Variants in DLG2 observed in about 807,000 individuals in gnomAD.
DLG2 encodes the protein disks large homolog 2.
DLG2 carries 45 observed loss-of-function variants against 132.5 expected under a neutral mutation model. That is an observed-to-expected ratio of 0.34 (90% CI 0.27 to 0.44). The LOEUF (loss-of-function observed/expected upper bound fraction) is 0.44, where lower values mean the gene tolerates loss of function less well. Ranked by LOEUF, DLG2 falls within the 20% of genes least tolerant of loss-of-function variation. DLG2 has a pLI of 1.00. For synonymous variants in DLG2, 424 were observed against 419.6 expected, an observed-to-expected ratio of 1.01 and a Z score of -0.13; for missense variants, 1,045 against 1,196.9, an observed-to-expected ratio of 0.87 and a Z score of 1.87.
chr11:85,180,421 C>T (rs746998351), intron 4 of DLG2, among the ~76,000 whole-genome samples: 3 of 151,730 alleles, frequency 2.0e-5, no homozygotes, highest in Non-Finnish European at 2.9e-5. Context: ...CCACAAAGTC[C>T]TTTCATTAAC....
intron 7 of DLG2, among the ~76,000 whole-genome samples, chr11:84,298,046 A>G (rs1302677937): frequency 2.0e-5 from 3 of 152,074 alleles, no homozygotes; most frequent in Admixed American, 1.3e-4. Context: ...TCACATTACC[A>G]TAATTTAATT....
chr11:84,402,974 A>T (rs115910789), intron 7 of DLG2, among the ~76,000 whole-genome samples: 6 of 149,518 alleles, frequency 4.0e-5, no homozygotes, highest in African/African-American at 1.5e-4. Flanking sequence ...AAAAGGAAGA[A>T]TTCCATTCCC....
At chr11:84,098,173 G>GGATT (rs1287672420) in intron 10 of DLG2, among the ~76,000 whole-genome samples, 4 of 151,706 alleles carry the variant, frequency 2.6e-5, no homozygotes, top group Admixed American at 2.6e-4. Context: ...AGAGTAGCTG[G>GGATT]GATTACAGGT....
At chr11:83,751,330 A>G (rs1373606416) in intron 18 of DLG2, among the ~76,000 whole-genome samples, 2 of 152,204 alleles carry the variant, frequency 1.3e-5, no homozygotes, top group Non-Finnish European at 2.9e-5. Context: ...GTCAGAGAGT[A>G]AATGGGAAAT....
chr11:85,561,699 A>G (rs2077257618), intron 3 of DLG2, among the ~76,000 whole-genome samples: 1 of 151,844 alleles, frequency 6.6e-6, no homozygotes, highest in African/African-American at 2.4e-5. Context: ...ATTGTATACT[A>G]ACTTCATTAT....
rs1022605576 is a variant in DLG2 at position 83,541,672 on chromosome 11, G to T, written c.2117+10C>A. 56 of 1,588,132 alleles carry T rather than the reference G, an allele frequency of 3.5e-5. No homozygotes were observed. Among genetic ancestry groups the T allele is most frequent in the Non-Finnish European group, 4.5e-5 (52 of 1,167,718 alleles). ...ACAAGCAAATATTCTAGTACAAAAG[G>T]CATTCTTACCTCCTTTTGCTGGGGA... On this transcript the variant is annotated intron_variant, in intron 20 of 27. Coordinates refer to ENST00000376104, the MANE Select transcript of DLG2 (RefSeq NM_001142699.3).
At chr11:85,192,808 C>A (rs530471153) in intron 4 of DLG2, among the ~76,000 whole-genome samples, 101 of 152,314 alleles carry the variant, frequency 6.6e-4, no homozygotes, top group Non-Finnish European at 1.2e-3. Flanking sequence ...GATGCTTAAA[C>A]CGGCACGGTA....
At chr11:83,572,687 A>G (rs1030443079) in intron 19 of DLG2, among the ~76,000 whole-genome samples, 4 of 152,122 alleles carry the variant, frequency 2.6e-5, no homozygotes, top group Non-Finnish European at 5.9e-5. Flanking sequence ...TACCATGCAT[A>G]ATGGCCAGCT....
intron 3 of DLG2, among the ~76,000 whole-genome samples, chr11:85,412,760 C>CACACACATATATAT (rs756868795): frequency 1.1e-4 from 13 of 113,276 alleles, no homozygotes; most frequent in South Asian, 3.1e-4. Flanking sequence ...CACACACACA[C>CACACACATATATAT]ATATATATAT....
At chr11:85,577,575 G>A (rs2078233351) in intron 3 of DLG2, among the ~76,000 whole-genome samples, 1 of 152,050 alleles carries the variant, frequency 6.6e-6, no homozygotes, top group African/African-American at 2.4e-5. Context: ...CCAAGTGGAA[G>A]ATGCTAAATA....
intron 3 of DLG2, among the ~76,000 whole-genome samples, chr11:85,383,702 T>C (rs925105019): frequency 1.3e-5 from 2 of 152,202 alleles, no homozygotes; most frequent in African/African-American, 2.4e-5. Context: ...GTAATAACAA[T>C]GATTTTCAGA....
Position 85,307,867 on chromosome 11 carries a change from A to G in DLG2, c.41-22502T>C, listed in dbSNP as rs901302382. Among the ~76,000 whole-genome samples, 4 of 152,280 alleles carry G rather than the reference A, an allele frequency of 2.6e-5. No homozygotes were observed. In the East Asian group the frequency reaches 5.8e-4, roughly 22 times the overall value. ...TTACAGGTGCTTATGTCAAAATAAA[A>G]CAAGAGGCTGGGCGCGGTGGCTCAT... On this transcript the variant is annotated intron_variant, in intron 3 of 27. Transcript: ENST00000376104.
intron 3 of DLG2, among the ~76,000 whole-genome samples, chr11:85,401,291 T>A (rs2088072438): frequency 6.6e-6 from 1 of 151,946 alleles, no homozygotes; most frequent in African/African-American, 2.4e-5. Flanking sequence ...TTTAACAGCC[T>A]TTCATGCAAA....
intron 3 of DLG2, among the ~76,000 whole-genome samples, chr11:85,431,032 AAT>A (rs1013687900): frequency 6.6e-6 from 1 of 152,076 alleles, no homozygotes; most frequent in African/African-American, 2.4e-5. Context: ...TAATTGGCTT[AAT>A]TTTTTAGTTT....
rs555237578 is a variant in DLG2 at position 84,800,215 on chromosome 11, C to A, written c.358-265484G>T. ...ATTTTAGAAGAGAACACAGCTGACT[C>A]AGGCATTGCTCTCCCTTTCTCTCCA... On this transcript the variant is annotated intron_variant, in intron 6 of 27. Transcript: ENST00000376104. Among the ~76,000 whole-genome samples, 5 of 152,322 alleles carry A rather than the reference C, an allele frequency of 3.3e-5. No homozygotes were observed. The South Asian group carries it at 1.0e-3, about 32-fold the overall frequency.
chr11:84,796,490 T>C (rs2074629544), intron 6 of DLG2, among the ~76,000 whole-genome samples: 1 of 152,126 alleles, frequency 6.6e-6, no homozygotes, highest in Non-Finnish European at 1.5e-5. Context: ...TACCAGTGAG[T>C]TTTGTACTTT....
Position 85,074,095 on chromosome 11 carries a change from G to A in DLG2, c.357+37566C>T, listed in dbSNP as rs185558302. Among the ~76,000 whole-genome samples the A allele has an allele frequency of 8.6e-5, 13 of 151,976 alleles. No individual in the cohort carries two copies. The East Asian group carries it at 2.3e-3, about 27-fold the overall frequency. Reference sequence around the variant, plus strand: ...AACAGACACTGGAGCCTACTTGAGTGTGGAGAGTAGGAGGAAGGTGAGGAT... The same window carrying A: ...AACAGACACTGGAGCCTACTTGAGTATGGAGAGTAGGAGGAAGGTGAGGAT... On this transcript the variant is annotated intron_variant, in intron 6 of 27. Coordinates refer to ENST00000376104, the MANE Select transcript of DLG2 (RefSeq NM_001142699.3).
chr11:84,805,185 G>A (rs182177346), intron 6 of DLG2, among the ~76,000 whole-genome samples: 8 of 152,186 alleles, frequency 5.3e-5, no homozygotes, highest in South Asian at 2.1e-4. Context: ...AGTGGGAAAC[G>A]GGAACTCCCA....
At chr11:84,897,145 T>C (rs1590857082) in intron 6 of DLG2, among the ~76,000 whole-genome samples, 1 of 123,184 alleles carries the variant, frequency 8.1e-6, no homozygotes, top group South Asian at 2.4e-4. Flanking sequence ...TAGTTACATA[T>C]ATATATATAT....
Sources: allele counts gnomAD v4.1 joint callset (sites outside exome capture counted in the v4.1 genomes callset), GRCh38; gene constraint gnomAD v4.1.1; transcripts MANE v1.5; gene names NCBI Gene and HGNC (gene_info 2026-07-23, HGNC 2026-07-21).